The following SUPT3H variants were observed in gnomAD, a reference collection of about 807,000 sequenced individuals.
SUPT3H encodes the protein SPT3 homolog, SAGA and STAGA complex component, also known as transcription initiation protein SPT3 homolog.
In SUPT3H, 44 loss-of-function variants were observed where a neutral mutation model predicts 44.3. The ratio of observed to expected loss-of-function variants is 0.99; its 90% confidence interval spans 0.78 to 1.28. The LOEUF is 1.28. SUPT3H is among the 50% of genes most tolerant of loss of function. The pLI is 0.00. For synonymous variants in SUPT3H, 124 were observed against 125.6 expected, an observed-to-expected ratio of 0.99 and a Z score of 0.09; for missense variants, 380 against 387.1, an observed-to-expected ratio of 0.98 and a Z score of 0.15.
At chr6:45,341,358 T>G (rs1377120903) in intron 2 of SUPT3H, among the ~76,000 whole-genome samples, 1 of 152,158 alleles carries the variant, frequency 6.6e-6, no homozygotes, top group Non-Finnish European at 1.5e-5. Flanking sequence ...AGAAAAGCTG[T>G]TTGGGGATCT....
rs1452704608 is a variant in SUPT3H at position 45,137,668 on chromosome 6, AAT to A, written c.102-31664_102-31663del. ...AATAATAATAATGAATGAACAGAGA[AAT>A]ATAAATTGTAAACTAAAAAATATTT... On this transcript the variant is annotated intron_variant, in intron 2 of 10. Transcript: ENST00000371459. Among the ~76,000 whole-genome samples the A allele has an allele frequency of 6.6e-5, 10 of 152,058 alleles. No homozygotes were observed. In the East Asian group the frequency reaches 1.4e-3, roughly 21 times the overall value.
At chr6:44,846,675 AGGCT>A (rs1771920808) in intron 10 of SUPT3H, among the ~76,000 whole-genome samples, 2 of 151,598 alleles carry the variant, frequency 1.3e-5, no homozygotes, top group African/African-American at 4.9e-5. Flanking sequence ...TCTGTCGCTC[AGGCT>A]GGAGTGCAGT....
At chr6:45,135,628 C>A (rs977185315) in intron 2 of SUPT3H, among the ~76,000 whole-genome samples, 5 of 152,140 alleles carry the variant, frequency 3.3e-5, no homozygotes, top group African/African-American at 1.2e-4. Context: ...TTTACACATA[C>A]TAAAACCATA....
chr6:45,197,137 A>G (rs1816188065), intron 2 of SUPT3H, among the ~76,000 whole-genome samples: 1 of 151,694 alleles, frequency 6.6e-6, no homozygotes, highest in Admixed American at 6.6e-5. Flanking sequence ...GCTACTACAT[A>G]TTTAAATTGG....
intron 2 of SUPT3H, among the ~76,000 whole-genome samples, chr6:45,107,319 C>T (rs1799422995): frequency 6.6e-6 from 1 of 152,040 alleles, no homozygotes; most frequent in African/African-American, 2.4e-5. Flanking sequence ...ACAGTCTATA[C>T]CGAACTAGTA....
At chr6:45,190,778 T>C (rs10948213) in intron 2 of SUPT3H, among the ~76,000 whole-genome samples, 33,324 of 152,046 alleles carry the variant, frequency 0.22, 4,475 homozygotes, top group Non-Finnish European at 0.31. Context: ...CCCGAAGATC[T>C]GAACAGACAC....
intron 2 of SUPT3H, among the ~76,000 whole-genome samples, chr6:45,175,333 C>T (rs1439193602): frequency 6.6e-6 from 1 of 151,984 alleles, no homozygotes; most frequent in Non-Finnish European, 1.5e-5. Flanking sequence ...CTGGGGAGGC[C>T]GCAGGAAACT....
chr6:45,087,949 G>C (rs1453722991), intron 3 of SUPT3H, among the ~76,000 whole-genome samples: 1 of 151,932 alleles, frequency 6.6e-6, no homozygotes, highest in Non-Finnish European at 1.5e-5. Context: ...GAATATTCAA[G>C]GATTTGCTGG....
At chr6:45,197,100 C>T (rs1816178654) in intron 2 of SUPT3H, among the ~76,000 whole-genome samples, 1 of 151,504 alleles carries the variant, frequency 6.6e-6, no homozygotes, top group Non-Finnish European at 1.5e-5. Context: ...TTCTTCAATA[C>T]TCATTTCTCA....
At chr6:45,161,211 A>G (rs551892956) in intron 2 of SUPT3H, among the ~76,000 whole-genome samples, 33 of 152,210 alleles carry the variant, frequency 2.2e-4, no homozygotes, top group Admixed American at 5.9e-4. Flanking sequence ...TTTCTTATAA[A>G]TTACCCAGTC....
intron 10 of SUPT3H, among the ~76,000 whole-genome samples, chr6:44,842,608 A>G (rs576722974): frequency 6.6e-6 from 1 of 152,146 alleles, no homozygotes; most frequent in South Asian, 2.1e-4. Flanking sequence ...GCTGTCATAT[A>G]CCTATTTTTT....
Position 45,199,916 on chromosome 6 carries a change from T to G in SUPT3H, c.102-93910A>C, listed in dbSNP as rs577000382. ...TATTTATGTGAGTCTGTGGCTTAAC[T>G]GACAAGAATTTTTCTGTTCCAAGGA... On this transcript the variant is annotated intron_variant, in intron 2 of 10. Transcript: ENST00000371459. Among the ~76,000 whole-genome samples, 5 of 151,492 alleles carry G rather than the reference T, an allele frequency of 3.3e-5. No homozygotes were observed. The South Asian group carries it at 8.3e-4, about 25-fold the overall frequency.
intron 3 of SUPT3H, among the ~76,000 whole-genome samples, chr6:45,086,809 TA>T (rs1796526843): frequency 6.6e-6 from 1 of 151,974 alleles, no homozygotes; most frequent in South Asian, 2.1e-4. Context: ...ATGTTGAACG[TA>T]AATCTATTTC....
At chr6:45,110,763 T>C (rs967122448) in intron 2 of SUPT3H, among the ~76,000 whole-genome samples, 1 of 152,174 alleles carries the variant, frequency 6.6e-6, no homozygotes, top group African/African-American at 2.4e-5. Context: ...CTGGACCCTA[T>C]GTAAATGCAT....
Position 45,100,541 on chromosome 6 carries a change from T to TAAAAA in SUPT3H, c.186+5376_186+5380dup, listed in dbSNP as rs58120512. On this transcript the variant is annotated intron_variant, in intron 3 of 10. Coordinates refer to ENST00000371459, the MANE Select transcript of SUPT3H (RefSeq NM_003599.4). The stretch of plus-strand genomic sequence containing the variant: ...GGGCATCATAGCAAGACCCTGTACT[T>TAAAAA]AAAAAAAAAAAAAAAAAAAAAAAGA... Among the ~76,000 whole-genome samples the TAAAAA allele has an allele frequency of 7.8e-4, 26 of 33,440 alleles. 2 individuals are homozygous for TAAAAA. Among genetic ancestry groups the TAAAAA allele is most frequent in the African/African-American group, 1.4e-3 (8 of 5,656 alleles). The allele number at this position is 33,440 out of a possible 152,430, so 21.9% of individuals were successfully genotyped here.
chr6:45,301,303 C>G (rs1028442378), intron 2 of SUPT3H, among the ~76,000 whole-genome samples: 10 of 152,242 alleles, frequency 6.6e-5, no homozygotes, highest in African/African-American at 2.4e-4. Flanking sequence ...ACAATTGGAA[C>G]TTGAAACTTA....
rs1791732227 is a variant in SUPT3H at position 45,059,999 on chromosome 6, T to C, written c.187-39367A>G. ...TGCTCATAGATAGGAAGAATCAATA[T>C]CGTGAAAATGGCCATAGTACCCAAA... is the stretch of plus-strand genomic sequence containing the variant. On this transcript the variant is annotated intron_variant, in intron 3 of 10. Coordinates refer to ENST00000371459, the MANE Select transcript of SUPT3H (RefSeq NM_003599.4). Among the ~76,000 whole-genome samples the C allele has an allele frequency of 2.0e-5, 3 of 152,080 alleles. No homozygotes were observed. The South Asian group carries it at 6.2e-4, about 32-fold the overall frequency.
At chr6:44,929,921 G>A (rs1770271303) in intron 10 of SUPT3H, among the ~76,000 whole-genome samples, 1 of 152,068 alleles carries the variant, frequency 6.6e-6, no homozygotes, top group Non-Finnish European at 1.5e-5. Context: ...CCTGAAACCT[G>A]TGTCACCCTG....
chr6:45,284,421 G>A (rs1188476333), intron 2 of SUPT3H, among the ~76,000 whole-genome samples: 3 of 152,126 alleles, frequency 2.0e-5, no homozygotes, highest in African/African-American at 7.2e-5. Flanking sequence ...TATCACCACT[G>A]ATCCCACAGA....
Sources: allele counts gnomAD v4.1 joint callset (sites outside exome capture counted in the v4.1 genomes callset), GRCh38; gene constraint gnomAD v4.1.1; transcripts MANE v1.5; gene names NCBI Gene and HGNC (gene_info 2026-07-23, HGNC 2026-07-21).